Variants in CPNE4 observed in about 807,000 individuals in gnomAD.
CPNE4 encodes copine 4.
CPNE4 carries 25 observed loss-of-function variants against 67.9 expected under a neutral mutation model. The observed-to-expected ratio is 0.37, with a 90% CI of 0.27 to 0.51. The LOEUF is 0.51. Ranked by LOEUF, CPNE4 falls within the 20% of genes least tolerant of loss-of-function variation. CPNE4 has a pLI of 0.93. For synonymous variants in CPNE4, 242 were observed against 244.9 expected (o/e 0.99, Z 0.11); for missense variants, 464 against 690.8 (o/e 0.67, Z 3.68).
intron 1 of CPNE4, among the ~76,000 whole-genome samples, chr3:132,023,612 C>G (rs1002459763): frequency 6.7e-6 from 1 of 149,910 alleles, no homozygotes; most frequent in African/African-American, 2.4e-5. Context: ...CTCAGCCTCC[C>G]GAGTAGCTGG....
intron 5 of CPNE4, among the ~76,000 whole-genome samples, chr3:131,689,711 G>A (rs1317022331): frequency 6.6e-6 from 1 of 152,124 alleles, no homozygotes; most frequent in Non-Finnish European, 1.5e-5. Context: ...AAAAGTCCTC[G>A]CCAGAGCACT....
chr3:132,008,203 A>G (rs760522742), intron 1 of CPNE4, among the ~76,000 whole-genome samples: 3 of 152,184 alleles, frequency 2.0e-5, no homozygotes, highest in Non-Finnish European at 4.4e-5. Context: ...TACAAAATGA[A>G]AAAAATACCC....
chr3:131,882,490 T>C (rs924318745), intron 2 of CPNE4, among the ~76,000 whole-genome samples: 3 of 152,158 alleles, frequency 2.0e-5, no homozygotes, highest in African/African-American at 4.8e-5. Flanking sequence ...TCGTTCCAGA[T>C]AGGCAGTTGG....
At chr3:131,918,097 T>C (rs1252175967) in intron 1 of CPNE4, among the ~76,000 whole-genome samples, 2 of 152,252 alleles carry the variant, frequency 1.3e-5, no homozygotes, top group Non-Finnish European at 2.9e-5. Flanking sequence ...GCTGTTGATA[T>C]TGTTTCCATT....
At chr3:131,775,481 A>G (rs1475845416) in intron 2 of CPNE4, among the ~76,000 whole-genome samples, 2 of 152,090 alleles carry the variant, frequency 1.3e-5, no homozygotes, top group Admixed American at 1.3e-4. Context: ...AGCTCCCACA[A>G]TTCCCAATTC....
chr3:131,846,506 C>G (rs1054091326), intron 2 of CPNE4, among the ~76,000 whole-genome samples: 1 of 152,148 alleles, frequency 6.6e-6, no homozygotes, highest in Non-Finnish European at 1.5e-5. Context: ...TCCCTTTATC[C>G]CCATTCTTTG....
intron 2 of CPNE4, among the ~76,000 whole-genome samples, chr3:131,757,122 G>T (rs1479343995): frequency 1.3e-5 from 2 of 152,176 alleles, no homozygotes; most frequent in African/African-American, 4.8e-5. Context: ...GTAAAGTAAG[G>T]GGGTTGCTGA....
intron 2 of CPNE4, among the ~76,000 whole-genome samples, chr3:131,812,324 G>A (rs1282665715): frequency 6.6e-6 from 1 of 151,900 alleles, no homozygotes; most frequent in Non-Finnish European, 1.5e-5. Flanking sequence ...ATTGAACTTG[G>A]AGAGTGGAGG....
At chr3:131,743,527 T>A (rs530716329) in intron 2 of CPNE4, among the ~76,000 whole-genome samples, 1 of 152,114 alleles carries the variant, frequency 6.6e-6, no homozygotes, top group Non-Finnish European at 1.5e-5. Context: ...AATAAAACAT[T>A]GGCAAAAGCA....
chr3:131,815,816 G>A (rs904677141), intron 2 of CPNE4, among the ~76,000 whole-genome samples: 2 of 152,194 alleles, frequency 1.3e-5, no homozygotes, highest in Non-Finnish European at 2.9e-5. Flanking sequence ...AGTGACCACA[G>A]ACATCTGGGT....
intron 7 of CPNE4, among the ~76,000 whole-genome samples, chr3:131,628,106 A>G (rs1411238960): frequency 6.6e-6 from 1 of 152,196 alleles, no homozygotes; most frequent in Admixed American, 6.5e-5. Context: ...CAACGGGGCA[A>G]ACGTAATCGT....
intron 1 of CPNE4, among the ~76,000 whole-genome samples, chr3:131,933,608 C>G (rs1459469315): frequency 6.6e-6 from 1 of 151,872 alleles, no homozygotes; most frequent in South Asian, 2.1e-4. Context: ...TAACAGTAGC[C>G]AAGCTATGAA....
intron 3 of CPNE4, among the ~76,000 whole-genome samples, chr3:131,717,094 G>A (rs1037677278): frequency 2.0e-5 from 3 of 152,176 alleles, no homozygotes; most frequent in Admixed American, 6.5e-5. Flanking sequence ...GCAATTTAGC[G>A]AAAAGAGCAA....
chr3:131,628,037 G>A (rs1476953757), intron 7 of CPNE4, among the ~76,000 whole-genome samples: 2 of 152,184 alleles, frequency 1.3e-5, no homozygotes, highest in Admixed American at 6.5e-5. Flanking sequence ...TCAACCATGG[G>A]TAAAATGCTG....
At chr3:131,599,812 T>G (rs1487984055) in intron 7 of CPNE4, among the ~76,000 whole-genome samples, 1 of 152,166 alleles carries the variant, frequency 6.6e-6, no homozygotes, top group African/African-American at 2.4e-5. Context: ...CTAAGTAAAG[T>G]CTGGTGACAA....
intron 2 of CPNE4, among the ~76,000 whole-genome samples, chr3:131,799,917 TGTTG>T (rs1560339100): frequency 1.8e-5 from 1 of 55,674 alleles, no homozygotes; most frequent in African/African-American, 8.3e-5. Context: ...TGTGTGTGTG[TGTTG>T]TGTGTGTGTG....
chr3:131,917,663 T>G lies in CPNE4; in HGVS notation c.-1-12219A>C, dbSNP rs1446001164. On this transcript the variant is annotated intron_variant, in intron 1 of 15. Coordinates refer to ENST00000429747, the MANE Select transcript of CPNE4 (RefSeq NM_130808.3). Reference sequence around the variant, plus strand: ...AACAATGTGAGAAATGCATATTCACTGAAGGAGTTTGACAGGAATAGATAG... The same window carrying G: ...AACAATGTGAGAAATGCATATTCACGGAAGGAGTTTGACAGGAATAGATAG... 1.3e-5 allele frequency among the ~76,000 whole-genome samples: 2 copies of G among 152,104 alleles called. 1 individual carries two copies. Among genetic ancestry groups the G allele is most frequent in the Non-Finnish European group, 2.9e-5 (2 of 68,014 alleles).
chr3:131,951,190 T>C (rs2071710014), intron 1 of CPNE4, among the ~76,000 whole-genome samples: 1 of 152,214 alleles, frequency 6.6e-6, no homozygotes, highest in Non-Finnish European at 1.5e-5. Flanking sequence ...GTTTTGTGAT[T>C]TTCTTTGCAA....
At chr3:131,928,111 A>G (rs1225043) in intron 1 of CPNE4, among the ~76,000 whole-genome samples, 65,415 of 151,930 alleles carry the variant, frequency 0.43, 14,261 homozygotes, top group Non-Finnish European at 0.45. Flanking sequence ...TAGGTTTTTA[A>G]TGAACATGCA....
Sources: gnomAD v4.1 joint callset for allele counts (sites outside exome capture counted in the v4.1 genomes callset) on GRCh38, gnomAD v4.1.1 for gene constraint, MANE v1.5 for transcripts, NCBI Gene and HGNC (gene_info 2026-07-23, HGNC 2026-07-21) for gene names.